AUTS2: variants seen among roughly 807,000 people sequenced by gnomAD.
The protein encoded by AUTS2 is autism susceptibility gene 2 protein.
A neutral mutation model predicts 112.4 loss-of-function variants in AUTS2; 17 were observed. The observed-to-expected ratio is 0.15, with a 90% CI of 0.10 to 0.23. AUTS2 has a LOEUF of 0.23. Ranked by LOEUF, AUTS2 falls within the 10% of genes least tolerant of loss-of-function variation. The probability of loss-of-function intolerance (pLI) is 1.00; values close to 1 mark genes in which losing one functional copy is unlikely to be tolerated. For synonymous variants in AUTS2, 751 were observed against 702.7 expected, an observed-to-expected ratio of 1.07 and a Z score of -1.09; for missense variants, 1,510 against 1,701.6, an observed-to-expected ratio of 0.89 and a Z score of 1.98.
intron 5 of AUTS2, among the ~76,000 whole-genome samples, chr7:70,529,109 G>A (rs1424379552): frequency 1.3e-5 from 2 of 152,130 alleles, no homozygotes; most frequent in African/African-American, 4.8e-5. Flanking sequence ...ACAAACACAT[G>A]AAAGAGCTAC....
intron 4 of AUTS2, among the ~76,000 whole-genome samples, chr7:70,408,290 G>A (rs750166521): frequency 5.3e-5 from 8 of 152,108 alleles, no homozygotes; most frequent in South Asian, 2.1e-4. Flanking sequence ...GGTAGTGATC[G>A]TAGGGTCAGC....
At chr7:69,823,507 A>G (rs751844284) in intron 1 of AUTS2, among the ~76,000 whole-genome samples, 1 of 152,218 alleles carries the variant, frequency 6.6e-6, no homozygotes, top group African/African-American at 2.4e-5. Context: ...GTCCATCAGC[A>G]TTGGACACAT....
intron 1 of AUTS2, among the ~76,000 whole-genome samples, chr7:69,885,284 T>C (rs1794224875): frequency 6.6e-6 from 1 of 152,214 alleles, no homozygotes; most frequent in African/African-American, 2.4e-5. Flanking sequence ...TATTTACAGC[T>C]TCTTATTTTT....
intron 2 of AUTS2, among the ~76,000 whole-genome samples, chr7:70,103,071 CTGTT>C (rs1804585114): frequency 6.6e-6 from 1 of 152,128 alleles, no homozygotes; most frequent in Non-Finnish European, 1.5e-5. Context: ...TTATTTATAT[CTGTT>C]TGCTAATTGC....
At chr7:69,886,232 G>A (rs1794265335) in intron 1 of AUTS2, among the ~76,000 whole-genome samples, 1 of 152,192 alleles carries the variant, frequency 6.6e-6, no homozygotes, top group Admixed American at 6.5e-5. Context: ...AGGCATATAT[G>A]CACTTGTTCA....
chr7:70,246,714 C>G (rs1354644918), intron 4 of AUTS2, among the ~76,000 whole-genome samples: 2 of 151,958 alleles, frequency 1.3e-5, no homozygotes, highest in Non-Finnish European at 2.9e-5. Context: ...AGAATCAACT[C>G]ATCAAGTTTC....
At chr7:69,765,080 T>G (rs10237145) in intron 1 of AUTS2, among the ~76,000 whole-genome samples, 1 of 152,060 alleles carries the variant, frequency 6.6e-6, no homozygotes, top group East Asian at 1.9e-4. Context: ...CTCTTATCTC[T>G]TGATCTGCTG....
At chr7:69,839,281 T>A (rs183635905) in intron 1 of AUTS2, among the ~76,000 whole-genome samples, 181 of 152,252 alleles carry the variant, frequency 1.2e-3, no homozygotes, top group African/African-American at 4.0e-3. Flanking sequence ...AGTACTTACC[T>A]TGTAAGTACC....
chr7:70,046,704 A>T (rs186853160), intron 2 of AUTS2, among the ~76,000 whole-genome samples: 2 of 152,332 alleles, frequency 1.3e-5, no homozygotes, highest in Admixed American at 6.5e-5. Context: ...TTTCTACCTG[A>T]TATAAATTCA....
At chr7:70,459,715 G>C (rs1292977391) in intron 5 of AUTS2, among the ~76,000 whole-genome samples, 1 of 152,192 alleles carries the variant, frequency 6.6e-6, no homozygotes, top group African/African-American at 2.4e-5. Flanking sequence ...AGTGCCTCAG[G>C]CTTCTTTGCA....
intron 5 of AUTS2, among the ~76,000 whole-genome samples, chr7:70,553,133 A>C (rs988243221): frequency 1.3e-5 from 2 of 152,144 alleles, no homozygotes; most frequent in Non-Finnish European, 2.9e-5. Context: ...AGAAGAATGG[A>C]CTTGTCAGCA....
intron 2 of AUTS2, among the ~76,000 whole-genome samples, chr7:70,029,157 A>G (rs1390655864): frequency 6.6e-6 from 1 of 152,052 alleles, no homozygotes; most frequent in African/African-American, 2.4e-5. Context: ...TGTAAAATGG[A>G]AACAGTGATA....
intron 4 of AUTS2, among the ~76,000 whole-genome samples, chr7:70,240,310 A>C (rs1348874639): frequency 3.3e-5 from 5 of 152,086 alleles, no homozygotes; most frequent in Admixed American, 2.6e-4. Context: ...TCCCTGAACC[A>C]CTCTTAAGAG....
At chr7:70,329,260 A>G (rs937315041) in intron 4 of AUTS2, among the ~76,000 whole-genome samples, 2 of 152,122 alleles carry the variant, frequency 1.3e-5, no homozygotes, top group African/African-American at 2.4e-5. Flanking sequence ...ATACTTGTTT[A>G]TGTACCTCGT....
At chr7:69,639,168 G>A (rs1450472632) in intron 1 of AUTS2, among the ~76,000 whole-genome samples, 7 of 152,304 alleles carry the variant, frequency 4.6e-5, no homozygotes, top group African/African-American at 1.4e-4. Flanking sequence ...TGTACTCTTA[G>A]GTTCCATAAT....
intron 2 of AUTS2, among the ~76,000 whole-genome samples, chr7:70,069,917 T>C (rs944374815): frequency 6.6e-6 from 1 of 152,036 alleles, no homozygotes; most frequent in Non-Finnish European, 1.5e-5. Context: ...ATAATTATTA[T>C]AGGGAGTAAA....
At chr7:70,773,247 TG>T (rs538729069) in intron 11 of AUTS2, among the ~76,000 whole-genome samples, 4 of 152,090 alleles carry the variant, frequency 2.6e-5, no homozygotes, top group Non-Finnish European at 4.4e-5. Flanking sequence ...CTTCCTGGTG[TG>T]GGGGGTGTTC....
In AUTS2 at chr7:69,613,362, AGT is replaced by A. The variant is rs58799324; in HGVS notation, c.309+13401_309+13402del. Among the ~76,000 whole-genome samples the A allele has an allele frequency of 3.3e-3, 498 of 152,310 alleles. 1 individual carries two copies. The highest frequency in any genetic ancestry group is 0.012 in the African/African-American group (479 of 41,568). ...TTTCCTTTGAAAAGTTGGAGCTTAC[AGT>A]TAGGTTGCTGCCACTCATACAATAT... On this transcript the variant is annotated intron_variant, in intron 1 of 18. Transcript: ENST00000342771.
At chr7:69,771,508 A>G (rs1463212242) in intron 1 of AUTS2, among the ~76,000 whole-genome samples, 2 of 152,230 alleles carry the variant, frequency 1.3e-5, no homozygotes, top group Non-Finnish European at 2.9e-5. Context: ...GTTTCAGTGC[A>G]GCGTGGAAAC....
Sources: allele counts gnomAD v4.1 joint callset (sites outside exome capture counted in the v4.1 genomes callset), GRCh38; gene constraint gnomAD v4.1.1; transcripts MANE v1.5; gene names NCBI Gene and HGNC (gene_info 2026-07-23, HGNC 2026-07-21).